Variants in CFAP299 observed in about 807,000 individuals in gnomAD.
CFAP299 encodes the protein cilia and flagella associated protein 299.
Under a neutral mutation model 27.0 loss-of-function variants are expected in CFAP299, and 21 were observed. That is an observed-to-expected ratio of 0.78 (90% CI 0.55 to 1.12). The LOEUF is 1.12. Among genes scored for constraint, CFAP299 ranks in the 50% most tolerant of loss-of-function variants. The pLI is 0.00. For synonymous variants in CFAP299, 104 were observed against 98.1 expected (o/e 1.06, Z -0.36); for missense variants, 310 against 276.6 (o/e 1.12, Z -0.86).
chr4:80,347,896 C>T (rs536697343), intron 1 of CFAP299, among the ~76,000 whole-genome samples: 1 of 152,166 alleles, frequency 6.6e-6, no homozygotes, highest in African/African-American at 2.4e-5. Flanking sequence ...CTACAGTAAC[C>T]AAAACAGCAT....
chr4:80,483,930 A>C (rs1280455570), intron 2 of CFAP299, among the ~76,000 whole-genome samples: 1 of 152,188 alleles, frequency 6.6e-6, no homozygotes, highest in Non-Finnish European at 1.5e-5. Flanking sequence ...TGTTGAAAGC[A>C]TTAACTTTTT....
chr4:80,653,199 C>G (rs987201287), intron 3 of CFAP299, among the ~76,000 whole-genome samples: 2 of 152,114 alleles, frequency 1.3e-5, no homozygotes, highest in African/African-American at 4.8e-5. Context: ...TCCAAAACCT[C>G]CTCTTTCTGT....
chr4:80,349,953 T>C (rs1333761149), intron 1 of CFAP299, among the ~76,000 whole-genome samples: 1 of 152,130 alleles, frequency 6.6e-6, no homozygotes, highest in Non-Finnish European at 1.5e-5. Flanking sequence ...AATATGATTA[T>C]CTACAATGAA....
At chr4:80,924,283 G>T (rs2110213150) in intron 4 of CFAP299, among the ~76,000 whole-genome samples, 1 of 151,448 alleles carries the variant, frequency 6.6e-6, no homozygotes, top group South Asian at 2.1e-4. Context: ...TTTACTTTTG[G>T]CTATGGCCCA....
At chr4:80,414,325 C>T (rs1190898013) in intron 2 of CFAP299, among the ~76,000 whole-genome samples, 7 of 151,960 alleles carry the variant, frequency 4.6e-5, no homozygotes, top group Non-Finnish European at 1.5e-5. Flanking sequence ...CCGCCTCGGC[C>T]TCCCAAAGTG....
intron 3 of CFAP299, among the ~76,000 whole-genome samples, chr4:80,743,804 G>A (rs1009962253): frequency 2.0e-5 from 3 of 152,106 alleles, no homozygotes; most frequent in South Asian, 4.1e-4. Flanking sequence ...TGCACATTCT[G>A]CACATGTATC....
At chr4:80,748,238 C>T (rs561073420) in intron 3 of CFAP299, among the ~76,000 whole-genome samples, 9 of 152,188 alleles carry the variant, frequency 5.9e-5, no homozygotes, top group South Asian at 2.1e-4. Context: ...TCTAAGTTAT[C>T]GACAGATTGA....
At chr4:80,713,972 G>A (rs922818546) in intron 3 of CFAP299, among the ~76,000 whole-genome samples, 2 of 152,092 alleles carry the variant, frequency 1.3e-5, no homozygotes, top group Non-Finnish European at 2.9e-5. Context: ...CCAAGTAGAA[G>A]TAGGCCACAG....
chr4:80,460,718 CT>C (rs753945692), intron 2 of CFAP299, among the ~76,000 whole-genome samples: 15 of 152,232 alleles, frequency 9.9e-5, no homozygotes, highest in Admixed American at 3.9e-4. Context: ...AATTCTTTGC[CT>C]TTTCTCTTTC....
At chr4:80,572,531 T>TTTTA (rs1234312334) in intron 2 of CFAP299, among the ~76,000 whole-genome samples, 2 of 138,658 alleles carry the variant, frequency 1.4e-5, no homozygotes, top group Non-Finnish European at 3.1e-5. Context: ...TTTTTTTTTT[T>TTTTA]TTTTGAGAGG....
chr4:80,366,192 C>T (rs1003110357), intron 2 of CFAP299, among the ~76,000 whole-genome samples: 18 of 152,226 alleles, frequency 1.2e-4, no homozygotes, highest in African/African-American at 4.3e-4. Flanking sequence ...GAACATCTGA[C>T]TGCCAGCCAG....
chr4:80,945,031 T>G, intron 5 of CFAP299, 92 bp downstream of exon 5: 1 of 1,219,972 alleles, frequency 8.2e-7, no homozygotes, highest in South Asian at 1.3e-5. Flanking sequence ...TTTGACACTC[T>G]TAAGTTGTTA....
chr4:80,939,912 T>G (rs112223748), intron 4 of CFAP299, among the ~76,000 whole-genome samples: 1 of 152,304 alleles, frequency 6.6e-6, no homozygotes, highest in African/African-American at 2.4e-5. Flanking sequence ...CTTCTCTTGA[T>G]CCTGTTAAGT....
intron 3 of CFAP299, among the ~76,000 whole-genome samples, chr4:80,633,982 CTTTTTTTTTTT>C (rs1225649545): frequency 8.7e-6 from 1 of 115,186 alleles, no homozygotes; most frequent in Non-Finnish European, 1.8e-5. Context: ...GAGGAGAAAA[CTTTTTTTTTTT>C]TTTTTTTTTT....
chr4:80,512,929 CAT>C (rs1342513857), intron 2 of CFAP299, among the ~76,000 whole-genome samples: 1 of 151,946 alleles, frequency 6.6e-6, no homozygotes, highest in African/African-American at 2.4e-5. Context: ...TATATAATAA[CAT>C]GTTTTTAAAG....
chr4:80,849,441 T>C (rs73829164), intron 3 of CFAP299, among the ~76,000 whole-genome samples: 6,682 of 152,240 alleles, frequency 0.044, 276 homozygotes, highest in African/African-American at 0.12. Flanking sequence ...AAGAATTCCC[T>C]GAAATGATGG....
intron 5 of CFAP299, among the ~76,000 whole-genome samples, chr4:80,950,229 C>G (rs1737702060): frequency 6.6e-6 from 1 of 151,170 alleles, no homozygotes; most frequent in Non-Finnish European, 1.5e-5. Flanking sequence ...GGATGGATGT[C>G]TGCCACTCTT....
At chr4:80,426,572 C>G (rs1440605966) in intron 2 of CFAP299, among the ~76,000 whole-genome samples, 2 of 152,192 alleles carry the variant, frequency 1.3e-5, no homozygotes, top group African/African-American at 4.8e-5. Context: ...GCACATGTTT[C>G]TTACTAAAAT....
intron 3 of CFAP299, among the ~76,000 whole-genome samples, chr4:80,605,762 G>C (rs369887950): frequency 1.3e-5 from 2 of 152,010 alleles, no homozygotes; most frequent in East Asian, 1.9e-4. Flanking sequence ...CTATAGGAAA[G>C]ATACAAGAAT....
Sources: allele counts gnomAD v4.1 joint callset (sites outside exome capture counted in the v4.1 genomes callset), GRCh38; gene constraint gnomAD v4.1.1; transcripts MANE v1.5; gene names NCBI Gene and HGNC (gene_info 2026-07-23, HGNC 2026-07-21).